Variants in EYA4 observed in about 807,000 individuals in gnomAD.
EYA4 encodes the protein EYA transcriptional coactivator and phosphatase 4, also known as protein phosphatase EYA4.
EYA4 carries 31 observed loss-of-function variants against 87.9 expected under a neutral mutation model. The observed-to-expected ratio is 0.35, with a 90% CI of 0.27 to 0.48. EYA4 has a LOEUF of 0.48. Among genes scored for constraint, EYA4 ranks in the 20% least tolerant of loss-of-function variants. EYA4 has a pLI of 0.99. For synonymous variants in EYA4, 263 were observed against 270.6 expected (o/e 0.97, Z 0.28); for missense variants, 678 against 761.4 (o/e 0.89, Z 1.29).
chr6:133,421,287 C>T (rs910712381), intron 3 of EYA4, among the ~76,000 whole-genome samples: 5 of 152,176 alleles, frequency 3.3e-5, no homozygotes, highest in African/African-American at 1.2e-4. Flanking sequence ...TCATTCAGAT[C>T]GTCTTAGTTC....
chr6:133,510,156 C>T lies in EYA4; in HGVS notation c.1282-2565C>T, dbSNP rs569353890. On this transcript the variant is annotated intron_variant, in intron 14 of 19. Transcript: ENST00000355286. ...GCAACCTATGTACAAATTAATCATG[C>T]GAGTTAATATTTAATGTCAGAGGAA... 1.0e-3 allele frequency among the ~76,000 whole-genome samples: 157 copies of T among 151,938 alleles called. 1 individual carries two copies. Among genetic ancestry groups the T allele is most frequent in the African/African-American group, 3.2e-3 (131 of 41,448 alleles).
intron 3 of EYA4, among the ~76,000 whole-genome samples, chr6:133,414,803 A>G (rs77051036): frequency 3.9e-4 from 60 of 152,288 alleles, no homozygotes; most frequent in Non-Finnish European, 8.2e-4. Flanking sequence ...AGGTGGAAAG[A>G]TAAGTTAGTT....
At chr6:133,282,497 A>G (rs936358570) in intron 2 of EYA4, among the ~76,000 whole-genome samples, 1 of 152,174 alleles carries the variant, frequency 6.6e-6, no homozygotes, top group Admixed American at 6.5e-5. Context: ...AGATTTCATT[A>G]ATTATTATCT....
At chr6:133,282,806 G>T (rs537767420) in intron 2 of EYA4, among the ~76,000 whole-genome samples, 1 of 152,226 alleles carries the variant, frequency 6.6e-6, no homozygotes, top group Admixed American at 6.5e-5. Flanking sequence ...CCATGGACTT[G>T]GTAAGGAAGA....
In EYA4 at chr6:133,513,008, T is replaced by G; in HGVS notation, c.1471T>G (p.Leu491Val). The change falls in exon 16 of 20, where the codon TTA becomes GTA. Residue 491 changes from leucine to valine, a missense_variant. By Grantham distance (32) the Leu-to-Val change is conservative. Coordinates refer to ENST00000355286, the MANE Select transcript of EYA4 (RefSeq NM_004100.5). ...TTTTCGTTACAGAAGAGTAAAAGAATTATATAACACCTACAAGAACAACGT... is the reference window on the plus strand; with the variant it reads ...TTTTCGTTACAGAAGAGTAAAAGAAGTATATAACACCTACAAGAACAACGT... ...LAFRYRRVKELYNTYKNNVGG... is the reference protein window; with the variant it reads ...LAFRYRRVKEVYNTYKNNVGG... 6.2e-7 allele frequency: 1 copy of G among 1,614,084 alleles called. No individual in the cohort carries two copies. The highest frequency in any genetic ancestry group is 1.1e-5 in the South Asian group (1 of 91,074).
intron 3 of EYA4, 54 bp downstream of exon 3, chr6:133,382,495 A>T: frequency 8.4e-7 from 1 of 1,191,996 alleles, no homozygotes; most frequent in Non-Finnish European, 1.3e-6. Flanking sequence ...GTTTCGGAGC[A>T]CTAGTAAGAT....
At chr6:133,458,625 C>T (rs925801888) in intron 6 of EYA4, among the ~76,000 whole-genome samples, 2 of 152,020 alleles carry the variant, frequency 1.3e-5, no homozygotes, top group Admixed American at 6.6e-5. Context: ...CAGCAGCACT[C>T]CCCCAGATGC....
chr6:133,298,806 G>C (rs1165961193), intron 2 of EYA4, among the ~76,000 whole-genome samples: 3 of 152,154 alleles, frequency 2.0e-5, no homozygotes, highest in African/African-American at 7.2e-5. Context: ...CTATTTGACT[G>C]TCTTTAACCT....
intron 3 of EYA4, among the ~76,000 whole-genome samples, chr6:133,417,536 T>C (rs1243480255): frequency 1.3e-5 from 2 of 152,164 alleles, no homozygotes; most frequent in Non-Finnish European, 2.9e-5. Context: ...TGTGATGAGT[T>C]AGGTAATGCA....
chr6:133,398,968 AGTAAGT>A (rs983192765), intron 3 of EYA4, among the ~76,000 whole-genome samples: 19 of 152,338 alleles, frequency 1.2e-4, no homozygotes, highest in African/African-American at 4.6e-4. Context: ...AAGTGAATTA[AGTAAGT>A]ATAAGATACA....
rs1800923503 is a variant in EYA4 at position 133,530,119 on chromosome 6, T to G, written c.*1314T>G. On this transcript the variant is annotated 3_prime_UTR_variant, in exon 20 of 20. Coordinates refer to ENST00000355286, the MANE Select transcript of EYA4 (RefSeq NM_004100.5). The stretch of plus-strand genomic sequence containing the variant: ...GCAATGAGTCTATGAAAATTTTACC[T>G]AGAATATCATCATAAATTAAATTAG... The G allele has an allele frequency of 1.0e-6, 1 of 985,114 alleles. No individual in the cohort carries two copies. The highest frequency in any genetic ancestry group is 6.1e-5 in the Admixed American group (1 of 16,274). 61.0% of individuals were successfully genotyped at this position (985,114 alleles called of 1,614,324 possible).
At chr6:133,424,551 C>A in intron 3 of EYA4, among the ~76,000 whole-genome samples, 1 of 152,126 alleles carries the variant, frequency 6.6e-6, no homozygotes, top group East Asian at 1.9e-4. Flanking sequence ...TTCCTGGGGG[C>A]ACCGTGGGTG....
At chr6:133,414,782 T>C (rs1789562235) in intron 3 of EYA4, among the ~76,000 whole-genome samples, 1 of 152,214 alleles carries the variant, frequency 6.6e-6, no homozygotes, top group Admixed American at 6.5e-5. Context: ...TAGTTCTTTT[T>C]AGTTTTTTTC....
At chr6:133,467,018 C>A (rs1190078632) in intron 10 of EYA4, among the ~76,000 whole-genome samples, 1 of 151,688 alleles carries the variant, frequency 6.6e-6, no homozygotes, top group East Asian at 1.9e-4. Flanking sequence ...GAAATGGAAA[C>A]GAGGAGATAA....
At chr6:133,305,438 G>A (rs1419826524) in intron 2 of EYA4, among the ~76,000 whole-genome samples, 2 of 152,178 alleles carry the variant, frequency 1.3e-5, no homozygotes, top group African/African-American at 4.8e-5. Context: ...TGCTTGTAAG[G>A]AATTAAATAA....
intron 2 of EYA4, among the ~76,000 whole-genome samples, chr6:133,378,379 T>C (rs1785888755): frequency 1.3e-5 from 2 of 152,102 alleles, no homozygotes; most frequent in African/African-American, 4.8e-5. Context: ...TATATATACA[T>C]AGTCTAGCAG....
At chr6:133,507,030 A>G (rs1798697100) in intron 14 of EYA4, among the ~76,000 whole-genome samples, 1 of 152,034 alleles carries the variant, frequency 6.6e-6, no homozygotes. Context: ...TTTATTTTTT[A>G]TCTCATAGTT....
intron 11 of EYA4, among the ~76,000 whole-genome samples, chr6:133,470,218 T>G (rs1407758156): frequency 8.5e-6 from 1 of 117,056 alleles, no homozygotes; most frequent in African/African-American, 3.4e-5. Flanking sequence ...GTTTTTATGG[T>G]TTTAGGTCTA....
intron 2 of EYA4, among the ~76,000 whole-genome samples, chr6:133,333,305 G>A (rs1782123156): frequency 6.6e-6 from 1 of 152,172 alleles, no homozygotes; most frequent in South Asian, 2.1e-4. Context: ...AATTTAATCT[G>A]TCAGACACTT....
Sources: allele counts gnomAD v4.1 joint callset (sites outside exome capture counted in the v4.1 genomes callset), GRCh38; gene constraint gnomAD v4.1.1; transcripts MANE v1.5; gene names NCBI Gene and HGNC (gene_info 2026-07-23, HGNC 2026-07-21).